KIF1B: variants seen among roughly 807,000 people sequenced by gnomAD.
KIF1B encodes the protein kinesin family member 1B.
A neutral mutation model predicts 241.9 loss-of-function variants in KIF1B; 76 were observed. The ratio of observed to expected loss-of-function variants is 0.31; its 90% CI spans 0.26 to 0.38. KIF1B has a LOEUF of 0.38. Ranked by LOEUF, KIF1B falls within the 10% of genes least tolerant of loss-of-function variation. The pLI, the probability that KIF1B is intolerant of heterozygous loss-of-function variation, is 1.00. For synonymous variants in KIF1B, 750 were observed against 796.7 expected, an observed-to-expected ratio of 0.94 and a Z score of 0.99; for missense variants, 1,622 against 2,271.4, an observed-to-expected ratio of 0.71 and a Z score of 5.81.
intron 2 of KIF1B, among the ~76,000 whole-genome samples, chr1:10,246,078 C>G (rs1409207587): frequency 6.6e-6 from 1 of 152,186 alleles, no homozygotes; most frequent in African/African-American, 2.4e-5. Flanking sequence ...CTGGACCTCT[C>G]TCTAGAAGTA....
Position 10,364,754 on chromosome 1 carries a change from T to G in KIF1B, c.4367-346T>G, listed in dbSNP as rs577393961. On this transcript the variant is annotated intron_variant, in intron 41 of 48. Transcript: ENST00000676179. ...AGGCGCGGTGGCTCACGCCTGTAAT[T>G]CCAGCACTTTGGGAGGCTGAGGCAG... Among the ~76,000 whole-genome samples the G allele has an allele frequency of 5.3e-5, 8 of 151,782 alleles. No individual in the cohort carries two copies. In the East Asian group the frequency reaches 1.6e-3, roughly 30 times the overall value.
intron 19 of KIF1B, 56 bp from the exon 20 acceptor site, chr1:10,296,526 T>G: frequency 7.1e-7 from 1 of 1,408,580 alleles, no homozygotes; most frequent in Non-Finnish European, 1.0e-6. Flanking sequence ...CTGCTTTCCA[T>G]TATTTGATTC....
chr1:10,305,000 A>G lies in KIF1B; in HGVS notation c.2115+7754A>G, dbSNP rs1361423479. The G allele has an allele frequency of 1.2e-5, 13 of 1,126,626 alleles. No homozygotes were observed. The Admixed American group carries it at 5.4e-4, about 46-fold the overall frequency. The allele number at this position is 1,126,626 out of a possible 1,614,324, so 69.8% of individuals were successfully genotyped here. On this transcript the variant is annotated intron_variant, in intron 22 of 48. Transcript: ENST00000676179. The stretch of plus-strand genomic sequence containing the variant: ...CTATAAATTAATCTGACATCCAGAA[A>G]GACCTGCCTCTTAGTTTATGCAGAC...
At chr1:10,325,042 C>T (rs568196897) in intron 26 of KIF1B, 147 bp downstream of exon 26, 14 of 855,398 alleles carry the variant, frequency 1.6e-5, no homozygotes, top group East Asian at 2.6e-5. Context: ...ACAACCACTG[C>T]GTCATTTGGT....
chr1:10,301,639 G>A (rs1277222442), intron 22 of KIF1B, among the ~76,000 whole-genome samples: 1 of 151,824 alleles, frequency 6.6e-6, no homozygotes, highest in Non-Finnish European at 1.5e-5. Context: ...CAGCCTGGGC[G>A]ACAGAGCAAG....
Position 10,337,027 on chromosome 1 carries a change from C to T in KIF1B, c.3130-47C>T, listed in dbSNP as rs191789832. 49 of 1,612,822 alleles carry T rather than the reference C, an allele frequency of 3.0e-5. No individual in the cohort carries two copies. Among genetic ancestry groups the T allele is most frequent in the East Asian group, 1.1e-4 (5 of 44,878 alleles). On this transcript the variant is annotated intron_variant, in intron 29 of 48. Transcript: ENST00000676179. This position sits in a 1 kb window ranked among gnomAD's most constrained non-coding sequence, Gnocchi z 4.0. ...GAAGTAAGGCAACTGGGGAAAAATA[C>T]GTTTTTATACTACTTTACCATGTAT... is the stretch of plus-strand genomic sequence containing the variant.
intron 27 of KIF1B, among the ~76,000 whole-genome samples, chr1:10,331,547 A>C (rs1274063635): frequency 6.6e-6 from 1 of 152,128 alleles, no homozygotes; most frequent in Non-Finnish European, 1.5e-5. Context: ...AGTTATGTTA[A>C]CATTTGTTTT....
At chr1:10,248,731 CCAGGGTGGT>C (rs1488704730) in intron 2 of KIF1B, among the ~76,000 whole-genome samples, 12 of 151,524 alleles carry the variant, frequency 7.9e-5, no homozygotes, top group Admixed American at 7.9e-4. Flanking sequence ...GGTGGTTGAA[CCAGGGTGGT>C]CACGATGGTG....
intron 22 of KIF1B, among the ~76,000 whole-genome samples, chr1:10,298,159 A>G (rs550527254): frequency 2.5e-4 from 38 of 152,320 alleles, no homozygotes; most frequent in African/African-American, 8.9e-4. Flanking sequence ...GATACTGTGG[A>G]TGCAGTTTAG....
chr1:10,239,514 T>C (rs1399918623), intron 2 of KIF1B, among the ~76,000 whole-genome samples: 1 of 152,108 alleles, frequency 6.6e-6, no homozygotes, highest in Admixed American at 6.5e-5. Context: ...TTTTTAAAAG[T>C]GTAATTATAT....
At position 10,347,119 on chromosome 1, in the gene KIF1B, CAAAT is replaced by C. The variant is rs375066206; in HGVS notation, c.3798-641_3798-638del. The stretch of plus-strand genomic sequence containing the variant: ...TCTCTAAAATGCTTTTGTAAAAACA[CAAAT>C]GAAAGAGATCTTACTCTTAGGACAG... On this transcript the variant is annotated intron_variant, in intron 35 of 48. Coordinates refer to ENST00000676179, the MANE Select transcript of KIF1B (RefSeq NM_001365951.3). Among the ~76,000 whole-genome samples the C allele has an allele frequency of 1.7e-3, 255 of 152,232 alleles. 1 individual carries two copies. Among genetic ancestry groups the C allele is most frequent in the African/African-American group, 5.9e-3 (245 of 41,532 alleles).
chr1:10,317,442 T>C (rs554578961), intron 22 of KIF1B, among the ~76,000 whole-genome samples: 11 of 151,490 alleles, frequency 7.3e-5, no homozygotes, highest in African/African-American at 2.7e-4. Context: ...AAGCAGCTAT[T>C]TTTTTCAAGG....
intron 5 of KIF1B, among the ~76,000 whole-genome samples, chr1:10,264,984 T>G (rs954100592): frequency 6.6e-6 from 1 of 151,978 alleles, no homozygotes; most frequent in African/African-American, 2.4e-5. Context: ...CTTCTTTTTT[T>G]TTAAGACAAG....
chr1:10,316,803 T>C (rs1651323465), intron 22 of KIF1B, among the ~76,000 whole-genome samples: 1 of 151,672 alleles, frequency 6.6e-6, no homozygotes, highest in Non-Finnish European at 1.5e-5. Flanking sequence ...GTGCTTGGCC[T>C]ATTTTAGTAT....
At chr1:10,236,397 A>G (rs537217307) in intron 2 of KIF1B, among the ~76,000 whole-genome samples, 8 of 152,290 alleles carry the variant, frequency 5.3e-5, no homozygotes, top group African/African-American at 1.9e-4. Flanking sequence ...TGGTACTCCT[A>G]CCCTCAGCTG....
At chr1:10,287,513 C>T (rs1341673907) in intron 15 of KIF1B, among the ~76,000 whole-genome samples, 2 of 152,106 alleles carry the variant, frequency 1.3e-5, no homozygotes, top group Non-Finnish European at 2.9e-5. Context: ...GCTAATGTGA[C>T]TCACAGTTAT....
chr1:10,321,383 C>T (rs1018696693), intron 23 of KIF1B, among the ~76,000 whole-genome samples: 1 of 152,054 alleles, frequency 6.6e-6, no homozygotes, highest in Non-Finnish European at 1.5e-5. Context: ...GGATTATAGA[C>T]GTGAGCCACT....
chr1:10,304,772 A>G, intron 22 of KIF1B: 3 of 1,535,878 alleles, frequency 2.0e-6, no homozygotes, highest in Non-Finnish European at 2.6e-6. Flanking sequence ...AACTGGTTTT[A>G]TATTGTTAAG....
intron 44 of KIF1B, among the ~76,000 whole-genome samples, chr1:10,369,362 T>C (rs1638661649): frequency 1.3e-5 from 2 of 152,134 alleles, no homozygotes; most frequent in Non-Finnish European, 1.5e-5. Flanking sequence ...GGTGTGGTGG[T>C]GCATACCTGT....
Sources: allele counts gnomAD v4.1 joint callset (sites outside exome capture counted in the v4.1 genomes callset), GRCh38; gene constraint gnomAD v4.1.1; non-coding constraint Gnocchi (gnomAD v3.1); transcripts MANE v1.5; gene names NCBI Gene and HGNC (gene_info 2026-07-23, HGNC 2026-07-21).